ARL15: variants seen among roughly 807,000 people sequenced by gnomAD.
ARL15 encodes ADP-ribosylation factor-like protein 15.
ARL15 carries 19 observed loss-of-function variants against 25.2 expected under a neutral mutation model. That is an observed-to-expected ratio of 0.75 (90% CI 0.53 to 1.10). The LOEUF is 1.10. Among genes scored for constraint, ARL15 ranks in the 50% least tolerant of loss-of-function variants. ARL15 has a pLI of 0.00. For missense variants in ARL15, 220 were observed against 246.0 expected (o/e 0.89, Z 0.71); for synonymous variants, 94 against 86.8 (o/e 1.08, Z -0.46).
At chr5:54,047,001 C>T (rs1030024966) in intron 4 of ARL15, among the ~76,000 whole-genome samples, 2 of 152,140 alleles carry the variant, frequency 1.3e-5, no homozygotes, top group Admixed American at 6.5e-5. Context: ...TGTCATGCTT[C>T]AATCTCTCAG....
intron 1 of ARL15, among the ~76,000 whole-genome samples, chr5:54,269,550 A>C (rs1757723568): frequency 6.6e-6 from 1 of 152,244 alleles, no homozygotes; most frequent in Non-Finnish European, 1.5e-5. Context: ...ACAAATCCAT[A>C]ATGTATAAAA....
intron 4 of ARL15, among the ~76,000 whole-genome samples, chr5:54,059,098 C>T (rs917626570): frequency 6.6e-6 from 1 of 152,186 alleles, no homozygotes; most frequent in African/African-American, 2.4e-5. Context: ...CTCCAAGCCA[C>T]TTATATAAAC....
chr5:54,240,102 C>A (rs1426702228), intron 1 of ARL15, among the ~76,000 whole-genome samples: 1 of 151,840 alleles, frequency 6.6e-6, no homozygotes, highest in Non-Finnish European at 1.5e-5. Flanking sequence ...TGGCGGGCAC[C>A]TGTAGTCCCA....
intron 4 of ARL15, among the ~76,000 whole-genome samples, chr5:53,916,931 G>A (rs3797287): frequency 0.94 from 142,792 of 152,298 alleles, 67,501 homozygotes; most frequent in Non-Finnish European, 1. Context: ...ATATTCAGTA[G>A]TCACTCTATT....
At chr5:53,944,584 C>T (rs529878472) in intron 4 of ARL15, among the ~76,000 whole-genome samples, 1 of 152,018 alleles carries the variant, frequency 6.6e-6, no homozygotes, top group Non-Finnish European at 1.5e-5. Context: ...AGAGTGAGAC[C>T]CTGCCTCAAA....
At chr5:54,299,639 G>T (rs1758563917) in intron 1 of ARL15, among the ~76,000 whole-genome samples, 1 of 136,266 alleles carries the variant, frequency 7.3e-6, no homozygotes, top group African/African-American at 2.9e-5. Context: ...CGCCAGGCTG[G>T]AATGCAGTGG....
intron 3 of ARL15, 78 bp from the exon 4 acceptor site, chr5:54,113,488 T>G (rs747796027): frequency 3.9e-5 from 51 of 1,319,662 alleles, no homozygotes; most frequent in Non-Finnish European, 5.3e-5. Flanking sequence ...TAATTCCTAC[T>G]GGAAACCAAT....
chr5:54,015,314 AAAAC>A lies in ARL15; in HGVS notation c.462+97884_462+97887del, dbSNP rs530643976. On this transcript the variant is annotated intron_variant, in intron 4 of 4. Coordinates refer to ENST00000504924, the MANE Select transcript of ARL15 (RefSeq NM_019087.3). ...TCTCAAAAAAAAAAAAACAAAAACA[AAAAC>A]AAACAAACAAACAAACAAAAAAACA... 5.2e-3 allele frequency among the ~76,000 whole-genome samples: 795 copies of A among 151,914 alleles called. 11 individuals are homozygous for A. Among genetic ancestry groups the A allele is most frequent in the African/African-American group, 0.015 (636 of 41,466 alleles).
intron 4 of ARL15, among the ~76,000 whole-genome samples, chr5:54,029,354 C>T (rs942679623): frequency 5.9e-5 from 8 of 135,334 alleles, no homozygotes; most frequent in African/African-American, 1.9e-4. Context: ...CCACCACCAC[C>T]ACCACCACCA....
intron 4 of ARL15, among the ~76,000 whole-genome samples, chr5:54,030,176 A>G (rs1171603699): frequency 6.6e-6 from 1 of 152,112 alleles, no homozygotes; most frequent in East Asian, 1.9e-4. Flanking sequence ...CCCTGTTTCA[A>G]AAAAGGACTT....
intron 4 of ARL15, among the ~76,000 whole-genome samples, chr5:53,968,893 C>T (rs764960044): frequency 2.0e-5 from 3 of 151,728 alleles, no homozygotes; most frequent in African/African-American, 7.3e-5. Flanking sequence ...CGGTGACTCA[C>T]GCCTGTAATC....
intron 4 of ARL15, among the ~76,000 whole-genome samples, chr5:53,964,855 C>A (rs1286244942): frequency 2.0e-5 from 3 of 152,172 alleles, no homozygotes; most frequent in African/African-American, 7.2e-5. Flanking sequence ...TACCTTGTTA[C>A]AAGTAAAAGA....
chr5:54,259,743 G>A (rs1423213079), intron 1 of ARL15, among the ~76,000 whole-genome samples: 1 of 152,138 alleles, frequency 6.6e-6, no homozygotes, highest in African/African-American at 2.4e-5. Context: ...CTGACAAATA[G>A]GACAATCAGC....
At chr5:54,100,984 T>C (rs946315245) in intron 4 of ARL15, among the ~76,000 whole-genome samples, 1 of 152,046 alleles carries the variant, frequency 6.6e-6, no homozygotes, top group African/African-American at 2.4e-5. Context: ...GATTTAAAAA[T>C]TATGTAATAT....
chr5:54,143,991 T>C (rs1485320121), intron 3 of ARL15, among the ~76,000 whole-genome samples: 1 of 152,076 alleles, frequency 6.6e-6, no homozygotes, highest in African/African-American at 2.4e-5. Flanking sequence ...GAACATAATA[T>C]ACTTTTATGC....
chr5:54,227,051 T>C (rs1263911179), intron 1 of ARL15, among the ~76,000 whole-genome samples: 6 of 152,226 alleles, frequency 3.9e-5, no homozygotes, highest in Non-Finnish European at 8.8e-5. Context: ...TCCCTAGCCA[T>C]GTGGAACTGT....
intron 4 of ARL15, among the ~76,000 whole-genome samples, chr5:54,095,966 A>T (rs1399429121): frequency 2.0e-5 from 3 of 152,234 alleles, no homozygotes; most frequent in Non-Finnish European, 4.4e-5. Context: ...GTAGAATGAA[A>T]GAGCATATCA....
chr5:53,961,623 T>A (rs1747376247), intron 4 of ARL15, among the ~76,000 whole-genome samples: 1 of 151,896 alleles, frequency 6.6e-6, no homozygotes, highest in Admixed American at 6.6e-5. Context: ...ATCATCCAAA[T>A]GGTTGAAGTG....
At chr5:54,177,819 C>T (rs1471955697) in intron 1 of ARL15, among the ~76,000 whole-genome samples, 1 of 152,164 alleles carries the variant, frequency 6.6e-6, no homozygotes, top group Non-Finnish European at 1.5e-5. Context: ...AAAGTTCCTC[C>T]CCACTTTCCT....
Sources: gnomAD v4.1 joint callset for allele counts (sites outside exome capture counted in the v4.1 genomes callset) on GRCh38, gnomAD v4.1.1 for gene constraint, MANE v1.5 for transcripts, NCBI Gene and HGNC (gene_info 2026-07-23, HGNC 2026-07-21) for gene names.